The following CLEC4M variants were observed in gnomAD, a reference collection of about 807,000 sequenced individuals.
CLEC4M encodes CD209 antigen-like protein 1.
In CLEC4M, 25 loss-of-function variants were observed where a neutral mutation model predicts 39.1. The ratio of observed to expected loss-of-function variants is 0.64; its 90% CI spans 0.47 to 0.89. CLEC4M has a LOEUF of 0.89. CLEC4M is among the 40% of genes least tolerant of loss of function. The pLI is 0.00. For synonymous variants in CLEC4M, 155 were observed against 177.4 expected (o/e 0.87, Z 1.00); for missense variants, 353 against 431.4 (o/e 0.82, Z 1.61).
At chr19:7,766,959 C>T in intron 5 of CLEC4M, 152 bp downstream of exon 5, 1 of 1,359,394 alleles carries the variant, frequency 7.4e-7, no homozygotes, top group Middle Eastern at 2.7e-4. Context: ...CCCAGGTACC[C>T]TTCAAGCAAA....
chr19:7,763,523 A>G, intron 2 of CLEC4M, 47 bp downstream of exon 2: 1 of 1,510,220 alleles, frequency 6.6e-7, no homozygotes, highest in Admixed American at 1.7e-5. Context: ...AGCCTCCCAG[A>G]CCCCTGGGTC....
chr19:7,763,355 G>A (rs1329159274), intron 1 of CLEC4M, 38 bp from the exon 2 acceptor site: 2 of 1,612,490 alleles, frequency 1.2e-6, no homozygotes, highest in Admixed American at 1.7e-5. Flanking sequence ...TAAGGGGAAG[G>A]GATGGCCCAG....
chr19:7,765,440 A>T, intron 3 of CLEC4M, 172 bp downstream of exon 3: 1 of 1,141,624 alleles, frequency 8.8e-7, no homozygotes, highest in African/African-American at 1.6e-5. Context: ...GCAGGACAGG[A>T]GAGGGAGGAG....
rs187706915 is a variant in CLEC4M, at chr19:7,767,160, A to G, written c.936+353A>G. 299 of 431,744 alleles carry G rather than the reference A, an allele frequency of 6.9e-4. 1 individual carries two copies. The highest frequency in any genetic ancestry group is 5.7e-3 in the African/African-American group (288 of 50,650). The allele number at this position is 431,744 out of a possible 1,614,324, so 26.7% of individuals were successfully genotyped here. ...TTCAAGCTGTGATGTGCTGTCACTC[A>G]GTGCAGAGCTGAAAGGAGATGTGCT... is the stretch of plus-strand genomic sequence containing the variant. On this transcript the variant is annotated intron_variant, in intron 5 of 6. Coordinates refer to ENST00000327325, the MANE Select transcript of CLEC4M (RefSeq NM_014257.5).
Position 7,763,324 on chromosome 19 carries a change from T to A in CLEC4M, c.46+12T>A. ...GCTGGGCCTCCTGGGTAAGGCTGGG[T>A]TGGAACTCTGGGATCCTGGGTAAGG... On this transcript the variant is annotated intron_variant, in intron 1 of 6. Coordinates refer to ENST00000327325, the MANE Select transcript of CLEC4M (RefSeq NM_014257.5). The A allele has an allele frequency of 2.5e-6, 4 of 1,611,012 alleles. No individual in the cohort carries two copies. The highest frequency in any genetic ancestry group is 3.4e-6 in the Non-Finnish European group (4 of 1,178,450).
Position 7,768,813 on chromosome 19 carries a change from C to T in CLEC4M, c.1050-25C>T, listed in dbSNP as rs1365719960. ...GCTCATCTACTGGGCAGGGCAGAGG[C>T]TCACATTCTGCATGGGCTTTGCAGC... On this transcript the variant is annotated intron_variant, in intron 6 of 6. Transcript: ENST00000327325. The T allele has an allele frequency of 3.7e-6, 6 of 1,610,878 alleles. No homozygotes were observed. The East Asian group carries it at 1.1e-4, about 30-fold the overall frequency.
intron 3 of CLEC4M, 49 bp downstream of exon 3, chr19:7,765,317 G>T: frequency 6.3e-7 from 1 of 1,598,380 alleles, no homozygotes; most frequent in Non-Finnish European, 8.6e-7. Flanking sequence ...TGGCCTTTTG[G>T]CTATGAACAG....
intron 2 of CLEC4M, 79 bp downstream of exon 2, chr19:7,763,555 T>A (rs1388835530): frequency 2.1e-5 from 26 of 1,235,492 alleles, no homozygotes; most frequent in Non-Finnish European, 3.0e-5. Context: ...GGTGTTGGGG[T>A]CTGGAATCCT....
rs887060893 is a variant in CLEC4M at position 7,766,646 on chromosome 19, C to T, written c.785-10C>T. ...ATCTGAGCCCAGCCCTGACCAGCCT[C>T]CCCCAACAGAACGCCTGTGCCGCCA... On this transcript the variant is annotated splice_polypyrimidine_tract_variant and intron_variant, in intron 4 of 6. Coordinates refer to ENST00000327325, the MANE Select transcript of CLEC4M (RefSeq NM_014257.5). The T allele has an allele frequency of 7.4e-6, 12 of 1,614,200 alleles. No individual in the cohort carries two copies. Among genetic ancestry groups the T allele is most frequent in the Non-Finnish European group, 1.0e-5 (12 of 1,180,010 alleles).
chr19:7,766,339 C>T lies in CLEC4M; in HGVS notation c.784+132C>T. 2.7e-6 allele frequency: 4 copies of T among 1,500,512 alleles called. No homozygotes were observed. In the South Asian group the frequency reaches 5.3e-5, roughly 20 times the overall value. The allele number at this position is 1,500,512 out of a possible 1,614,324, so 92.9% of individuals were successfully genotyped here. On this transcript the variant is annotated intron_variant, in intron 4 of 6. Transcript: ENST00000327325. Reference sequence around the variant, plus strand: ...AATGAGAACACGGGGTAACTGCGATCATTGCACTTGGTGTTCACAGTGGGC... The same window carrying T: ...AATGAGAACACGGGGTAACTGCGATTATTGCACTTGGTGTTCACAGTGGGC...
At chr19:7,766,321 A>T (rs760878685) in intron 4 of CLEC4M, 114 bp downstream of exon 4, 19 of 1,524,872 alleles carry the variant, frequency 1.2e-5, no homozygotes, top group Non-Finnish European at 1.7e-5. Flanking sequence ...TGAAATGAGA[A>T]CACGGGGTAA....
In CLEC4M at chr19:7,766,050, GGA is replaced by G. The variant is rs867796501; in HGVS notation, c.629_630del (p.Glu210AlafsTer7). 8.8e-7 allele frequency: 1 copy of G among 1,141,276 alleles called. No homozygotes were observed. Among genetic ancestry groups the G allele is most frequent in the Non-Finnish European group, 1.1e-6 (1 of 883,970 alleles). 70.7% of individuals were successfully genotyped at this position (1,141,276 alleles called of 1,614,324 possible). Reference sequence around the variant, plus strand: ...TGCAGGAGATCTACCAGGAGCTGACGGAGCTGAAGGCTGCAGTGGGTGAGTTG... The same window carrying G: ...TGCAGGAGATCTACCAGGAGCTGACGGCTGAAGGCTGCAGTGGGTGAGTTG... ...KLQEIYQELT[E>X]LKAAVGELPE... On this transcript the variant is annotated frameshift_variant, in exon 4 of 7. Transcript: ENST00000327325. LOFTEE classifies it high-confidence loss of function.
In CLEC4M at chr19:7,766,582, G is replaced by A. The variant is rs1297720250; in HGVS notation, c.785-74G>A. The A allele has an allele frequency of 1.9e-6, 3 of 1,599,954 alleles. No homozygotes were observed. The African/African-American group carries it at 4.0e-5, about 21-fold the overall frequency. On this transcript the variant is annotated intron_variant, in intron 4 of 6. Transcript: ENST00000327325. ...CAAGGAAGGGCCCTGATTTTCAAGG[G>A]CTTGAAGGCTGGGCAGATATGGGAA...
intron 2 of CLEC4M, 43 bp from the exon 3 acceptor site, chr19:7,765,142 C>G (rs2034193093): frequency 6.2e-7 from 1 of 1,605,260 alleles, no homozygotes; most frequent in Non-Finnish European, 8.5e-7. Flanking sequence ...GGGCCAGGCT[C>G]AGGTGGGAAC....
At chr19:7,768,557 C>G in intron 6 of CLEC4M, 1 of 238,836 alleles carries the variant, frequency 4.2e-6, no homozygotes, top group Middle Eastern at 1.5e-3. Flanking sequence ...AGCCTGGCAA[C>G]AGAGCGAGAA....
At chr19:7,767,205 G>A (rs891950621) in intron 5 of CLEC4M, 6 of 425,934 alleles carry the variant, frequency 1.4e-5, no homozygotes, top group Non-Finnish European at 2.6e-5. Flanking sequence ...ATTAGTAGTG[G>A]GTCCAATGTG....
At chr19:7,764,210 T>C (rs2034143306) in intron 2 of CLEC4M, among the ~76,000 whole-genome samples, 1 of 151,448 alleles carries the variant, frequency 6.6e-6, no homozygotes. Flanking sequence ...AAGCATTTCA[T>C]GGGGTAGGGG....
In CLEC4M at chr19:7,766,768, G is replaced by T. The variant is rs148045628; in HGVS notation, c.897G>T (p.Val299=). The T allele has an allele frequency of 1.4e-5, 23 of 1,614,110 alleles. No homozygotes were observed. In the African/African-American group the frequency reaches 2.9e-4, roughly 21 times the overall value. Residue 299 remains valine, a synonymous_variant, in exon 5 of 7, where the codon GTG becomes GTT. Transcript: ENST00000327325. The stretch of plus-strand genomic sequence containing the variant: ...ACTCCGTCACCGCCTGCCAGGAAGT[G>T]AGGGCCCAGCTCGTCGTAATCAAAA... The part of the protein sequence containing the change: ...WHDSVTACQE[V]RAQLVVIKTA...
At chr19:7,767,712 C>T (rs913241630) in intron 6 of CLEC4M, 84 bp downstream of exon 6, 5 of 1,201,042 alleles carry the variant, frequency 4.2e-6, no homozygotes, top group Non-Finnish European at 6.1e-6. Flanking sequence ...GGGGTCCCCC[C>T]CAACCTCCCT....
Sources: gnomAD v4.1 joint callset for allele counts (sites outside exome capture counted in the v4.1 genomes callset) on GRCh38, gnomAD v4.1.1 for gene constraint, MANE v1.5 for transcripts, NCBI Gene and HGNC (gene_info 2026-07-23, HGNC 2026-07-21) for gene names.